The following WDTC1 variants were observed in gnomAD, a reference collection of about 807,000 sequenced individuals.
WDTC1 encodes WD and tetratricopeptide repeats protein 1.
WDTC1 carries 12 observed loss-of-function variants against 76.0 expected under a neutral mutation model. That is an observed-to-expected ratio of 0.16 (90% confidence interval 0.10 to 0.26). The LOEUF is 0.26. WDTC1 is among the 10% of genes least tolerant of loss of function. The pLI is 1.00. For missense variants in WDTC1, 511 were observed against 908.8 expected, an observed-to-expected ratio of 0.56 and a Z score of 5.63; for synonymous variants, 326 against 350.8, an observed-to-expected ratio of 0.93 and a Z score of 0.79.
chr1:27,237,685 T>TA (rs1297845058), intron 1 of WDTC1, among the ~76,000 whole-genome samples: 1 of 151,728 alleles, frequency 6.6e-6, no homozygotes, highest in Non-Finnish European at 1.5e-5. Flanking sequence ...CCATCTCTAC[T>TA]AAAAATACAA....
At chr1:27,275,545 G>T (rs916399995) in intron 3 of WDTC1, among the ~76,000 whole-genome samples, 1 of 151,720 alleles carries the variant, frequency 6.6e-6, no homozygotes, top group African/African-American at 2.4e-5. Flanking sequence ...TTGAACCCAG[G>T]AGGCGGAGGT....
intron 3 of WDTC1, 125 bp from the exon 4 acceptor site, chr1:27,282,114 C>A: frequency 1.1e-6 from 1 of 881,980 alleles, no homozygotes; most frequent in Admixed American, 2.2e-5. Flanking sequence ...TGGCCACTCA[C>A]ATGCACTTGG....
rs1570993187 is a variant in WDTC1 at position 27,306,618 on chromosome 1, A to C, written c.*235A>C. ...CCTGAAAAAAAGAGCAGGAGGGGAC[A>C]CCCCTCCATATGCCCCCCCCCATCT... On this transcript the variant is annotated 3_prime_UTR_variant, in exon 16 of 16. Coordinates refer to ENST00000319394, the MANE Select transcript of WDTC1 (RefSeq NM_001276252.2). The surrounding 1 kb of genome is among the most constrained non-coding windows in gnomAD (Gnocchi z 5.0). 5.6e-5 allele frequency: 31 copies of C among 554,728 alleles called. No homozygotes were observed. Among genetic ancestry groups the C allele is most frequent in the Middle Eastern group, 4.9e-4 (1 of 2,060 alleles). 34.4% of individuals were successfully genotyped at this position (554,728 alleles called of 1,614,324 possible).
chr1:27,293,276 C>CA (rs1225036275), intron 7 of WDTC1, among the ~76,000 whole-genome samples: 1 of 148,590 alleles, frequency 6.7e-6, no homozygotes, highest in Non-Finnish European at 1.5e-5. Context: ...ACTAAAAATA[C>CA]AAAAAATTAG....
At chr1:27,249,390 A>G (rs2011960783) in intron 1 of WDTC1, among the ~76,000 whole-genome samples, 1 of 152,168 alleles carries the variant, frequency 6.6e-6, no homozygotes, top group Non-Finnish European at 1.5e-5. Flanking sequence ...ATATAAATGG[A>G]ATTATGCAAT....
chr1:27,263,277 G>A (rs1197198449), intron 3 of WDTC1, 42 bp downstream of exon 3: 1 of 1,588,254 alleles, frequency 6.3e-7, no homozygotes, highest in Non-Finnish European at 8.6e-7. Flanking sequence ...ATGGCCTGCT[G>A]TCCATTCTCT....
intron 3 of WDTC1, among the ~76,000 whole-genome samples, chr1:27,279,406 C>T (rs1324903330): frequency 1.3e-5 from 2 of 152,120 alleles, no homozygotes; most frequent in Non-Finnish European, 2.9e-5. Context: ...GGTGTGGTGG[C>T]ACGCATCTCT....
At chr1:27,280,296 A>G (rs2013151774) in intron 3 of WDTC1, among the ~76,000 whole-genome samples, 1 of 152,218 alleles carries the variant, frequency 6.6e-6, no homozygotes, top group African/African-American at 2.4e-5. Context: ...ACAAAAGAAA[A>G]GATTTTATGG....
chr1:27,299,223 T>C (rs928866336), intron 12 of WDTC1, among the ~76,000 whole-genome samples: 1 of 152,222 alleles, frequency 6.6e-6, no homozygotes, highest in African/African-American at 2.4e-5. Flanking sequence ...GCTCCTACTA[T>C]GTGCTAGGTA....
At chr1:27,304,870 A>T (rs936554355) in intron 14 of WDTC1, 131 bp from the exon 15 acceptor site, 2 of 909,802 alleles carry the variant, frequency 2.2e-6, no homozygotes, top group African/African-American at 3.4e-5. Flanking sequence ...GGTCAAGTGC[A>T]CACCCCAGCG....
rs779564321 is a variant in WDTC1, at chr1:27,283,411, A to G, written c.253A>G (p.Met85Val). ...DPLHHKKLLSMHTGHTANIFS... is the reference protein window; with the variant it reads ...DPLHHKKLLSVHTGHTANIFS... ...GCTGCACCACAAGAAGCTGCTCTCC[A>G]TGCACACGGGACACACCGCAAATAT... is the stretch of plus-strand genomic sequence containing the variant. The change falls in exon 5 of 16, where the codon ATG (methionine) becomes GTG (valine). Residue 85 changes from methionine to valine, a missense_variant. Transcript: ENST00000319394. 3 of 1,613,556 alleles carry G rather than the reference A, an allele frequency of 1.9e-6. No homozygotes were observed. The highest frequency in any genetic ancestry group is 1.7e-5 in the Admixed American group (1 of 60,020).
intron 5 of WDTC1, among the ~76,000 whole-genome samples, chr1:27,284,290 T>C (rs2013270132): frequency 6.6e-6 from 1 of 152,152 alleles, no homozygotes; most frequent in South Asian, 2.1e-4. Context: ...ATCTCCAAGA[T>C]TTAAAGTTGG....
At position 27,297,960 on chromosome 1, in the gene WDTC1, T is replaced by C. The variant is rs1334181655; in HGVS notation, c.1081T>C (p.Tyr361His). The C allele has an allele frequency of 8.7e-6, 14 of 1,613,532 alleles. No individual in the cohort carries two copies. The highest frequency in any genetic ancestry group is 6.6e-5 in the South Asian group (6 of 91,008). Residue 361 changes from tyrosine (Y) to histidine (H), a missense_variant, in exon 12 of 16, where the codon TAC becomes CAC. Coordinates refer to ENST00000319394, the MANE Select transcript of WDTC1 (RefSeq NM_001276252.2). ...CAGCCCCCAAGTAGAGCTACCACCA[T>C]ACCTGGAGCGTGTGAAACAGCAAGC... ...HVSPQVELPP[Y>H]LERVKQQANE...
In WDTC1 at chr1:27,306,314, C is replaced by T; in HGVS notation, c.1965C>T (p.Ser655=). ...TGGGCTACCGGATCACGGGCCTGAG[C>T]AGTGGGGGTGCCGGGGCCTCTGATG... ...LNMGYRITGL[S]SGGAGASDDE... The change falls in exon 16 of 16, where the codon AGC becomes AGT. Residue 655 remains serine (S), a synonymous_variant. Coordinates refer to ENST00000319394, the MANE Select transcript of WDTC1 (RefSeq NM_001276252.2). The surrounding 1 kb of genome is among the most constrained non-coding windows in gnomAD (Gnocchi z 5.0). The T allele has an allele frequency of 6.2e-7, 1 of 1,614,032 alleles. No individual in the cohort carries two copies. The highest frequency in any genetic ancestry group is 1.1e-5 in the South Asian group (1 of 91,086).
intron 5 of WDTC1, among the ~76,000 whole-genome samples, chr1:27,285,996 G>GTTTTTTT (rs5773184): frequency 4.7e-5 from 3 of 63,316 alleles, no homozygotes; most frequent in Admixed American, 2.5e-4. Flanking sequence ...CAGGATGGTG[G>GTTTTTTT]TTTTTTTTTT....
At chr1:27,304,879 C>A (rs765509561) in intron 14 of WDTC1, 122 bp from the exon 15 acceptor site, 161 of 980,712 alleles carry the variant, frequency 1.6e-4, no homozygotes, top group Non-Finnish European at 2.2e-4. Flanking sequence ...CACACCCCAG[C>A]GTGTGGGGGA....
intron 1 of WDTC1, among the ~76,000 whole-genome samples, chr1:27,249,812 A>G (rs961408846): frequency 1.3e-5 from 2 of 152,148 alleles, no homozygotes; most frequent in Non-Finnish European, 2.9e-5. Flanking sequence ...CTTGGCCTCA[A>G]GTGATTCTCC....
At chr1:27,277,793 G>A (rs753944627) in intron 3 of WDTC1, among the ~76,000 whole-genome samples, 2 of 151,970 alleles carry the variant, frequency 1.3e-5, no homozygotes, top group African/African-American at 4.8e-5. Context: ...AGATTGTTTT[G>A]TCTATTCTGG....
At chr1:27,297,384 A>G (rs926299982) in intron 11 of WDTC1, among the ~76,000 whole-genome samples, 1 of 152,204 alleles carries the variant, frequency 6.6e-6, no homozygotes, top group African/African-American at 2.4e-5. Context: ...TGTTGGTACC[A>G]GTAACTGGGG....
Sources: allele counts gnomAD v4.1 joint callset (sites outside exome capture counted in the v4.1 genomes callset), GRCh38; gene constraint gnomAD v4.1.1; non-coding constraint Gnocchi (gnomAD v3.1); transcripts MANE v1.5; gene names NCBI Gene and HGNC (gene_info 2026-07-23, HGNC 2026-07-21).